AATF: variants seen among roughly 807,000 people sequenced by gnomAD.
AATF encodes protein AATF.
Under a neutral mutation model 63.7 loss-of-function variants are expected in AATF, and 48 were observed. The observed-to-expected ratio is 0.75, with a 90% CI of 0.60 to 0.96. The LOEUF (loss-of-function observed/expected upper bound fraction) is 0.96, where lower values mean the gene tolerates loss of function less well. AATF is among the 40% of genes least tolerant of loss of function. The probability of loss-of-function intolerance (pLI) is 0.00; values close to 1 mark genes in which losing one functional copy is unlikely to be tolerated. For missense variants in AATF, 639 were observed against 685.7 expected, an observed-to-expected ratio of 0.93 and a Z score of 0.76; for synonymous variants, 258 against 247.7, an observed-to-expected ratio of 1.04 and a Z score of -0.39.
intron 4 of AATF, among the ~76,000 whole-genome samples, chr17:36,968,705 TCA>T (rs2142221963): frequency 6.6e-6 from 1 of 152,206 alleles, no homozygotes; most frequent in South Asian, 2.1e-4. Flanking sequence ...CACTGCAGCC[TCA>T]GACTCCTGGG....
At chr17:36,972,546 T>C (rs762244731) in intron 4 of AATF, among the ~76,000 whole-genome samples, 2 of 152,194 alleles carry the variant, frequency 1.3e-5, no homozygotes, top group African/African-American at 2.4e-5. Context: ...ATAATTTATA[T>C]AGGATGAATT....
intron 11 of AATF, among the ~76,000 whole-genome samples, chr17:37,033,254 A>C (rs2071565418): frequency 1.3e-5 from 2 of 152,208 alleles, no homozygotes; most frequent in South Asian, 4.1e-4. Context: ...TTCTGGATCC[A>C]GTCTGTTTAA....
chr17:36,976,679 A>C (rs1285665567), intron 4 of AATF, among the ~76,000 whole-genome samples: 3 of 152,220 alleles, frequency 2.0e-5, no homozygotes. Flanking sequence ...CAAGGAGCTC[A>C]TAGTAAGGTG....
intron 4 of AATF, chr17:36,980,472 A>T (rs961234777): frequency 6.6e-6 from 1 of 152,254 alleles, no homozygotes; most frequent in Non-Finnish European, 1.5e-5. Flanking sequence ...GGAAGAAAGT[A>T]TATGAATCTT....
At chr17:36,982,545 G>A (rs1205235954) in intron 4 of AATF, among the ~76,000 whole-genome samples, 3 of 151,910 alleles carry the variant, frequency 2.0e-5, no homozygotes, top group Non-Finnish European at 2.9e-5. Context: ...AGTAGAGATG[G>A]GGTTTCATGG....
intron 8 of AATF, among the ~76,000 whole-genome samples, chr17:36,996,515 AAAC>A (rs2071256316): frequency 2.0e-5 from 3 of 152,230 alleles, no homozygotes; most frequent in Non-Finnish European, 4.4e-5. Context: ...ATGGTATTAA[AAAC>A]AACTCAAAGC....
chr17:36,973,527 A>G (rs2071056034), intron 4 of AATF, among the ~76,000 whole-genome samples: 1 of 152,216 alleles, frequency 6.6e-6, no homozygotes, highest in Admixed American at 6.5e-5. Flanking sequence ...AAGGCAGGAG[A>G]AATATGGAGA....
In AATF at chr17:37,031,334, T is replaced by G. The variant is rs923170015; in HGVS notation, c.1548-280T>G. ...AAGTATATGGGAGCATGTGTGTAGA[T>G]TACATGCAAATACTATGCCATTTTA... On this transcript the variant is annotated intron_variant, in intron 10 of 11. Coordinates refer to ENST00000619387, the MANE Select transcript of AATF (RefSeq NM_012138.4). 3.1e-5 allele frequency: 15 copies of G among 477,742 alleles called. No individual in the cohort carries two copies. In the Admixed American group the frequency reaches 4.6e-4, roughly 15 times the overall value. The allele number at this position is 477,742 out of a possible 1,614,324, so 29.6% of individuals were successfully genotyped here. A position where few individuals can be genotyped will look rare whatever the true frequency, so the allele number is the denominator to read the frequency against.
intron 8 of AATF, among the ~76,000 whole-genome samples, chr17:37,003,121 T>C (rs1005497967): frequency 5.9e-5 from 9 of 152,178 alleles, no homozygotes; most frequent in African/African-American, 1.2e-4. Flanking sequence ...TGGAATATAA[T>C]TGAGAGTCCG....
intron 4 of AATF, among the ~76,000 whole-genome samples, chr17:36,961,237 T>C (rs2070944646): frequency 2.0e-5 from 3 of 152,258 alleles, no homozygotes. Context: ...TGCTTAGGTT[T>C]ATTCTAGCTA....
intron 8 of AATF, among the ~76,000 whole-genome samples, chr17:36,991,538 A>G (rs1447561434): frequency 6.6e-6 from 1 of 151,946 alleles, no homozygotes; most frequent in Non-Finnish European, 1.5e-5. Context: ...GGGCTGTTCT[A>G]GAGAACTGAA....
chr17:37,012,791 A>C (rs925738524), intron 8 of AATF, among the ~76,000 whole-genome samples: 3 of 152,224 alleles, frequency 2.0e-5, no homozygotes, highest in Non-Finnish European at 2.9e-5. Flanking sequence ...TGGGATATCC[A>C]CATGTAAAAG....
At position 36,953,921 on chromosome 17, in the gene AATF, T is replaced by C. The variant is rs370845519; in HGVS notation, c.832+14T>C. 6.2e-7 allele frequency: 1 copy of C among 1,611,832 alleles called. No individual in the cohort carries two copies. Among genetic ancestry groups the C allele is most frequent in the East Asian group, 2.2e-5 (1 of 44,878 alleles). On this transcript the variant is annotated intron_variant, in intron 4 of 11. Transcript: ENST00000619387. ...CCCTGAAAAATAGTAAGAATACTTA[T>C]GTCCTGTTGGAATACTTAGAACCAC...
chr17:36,966,002 A>T (rs73283974), intron 4 of AATF, among the ~76,000 whole-genome samples: 1 of 152,102 alleles, frequency 6.6e-6, no homozygotes, highest in African/African-American at 2.4e-5. Flanking sequence ...CTAAACATTT[A>T]CCTTAGTAAG....
chr17:36,949,709 CCTGTT>C (rs1476084683), intron 1 of AATF, among the ~76,000 whole-genome samples: 32 of 152,228 alleles, frequency 2.1e-4, no homozygotes, highest in Non-Finnish European at 3.8e-4. Context: ...GACTGAGACT[CCTGTT>C]CTGTAAGCTG....
intron 5 of AATF, among the ~76,000 whole-genome samples, chr17:36,988,312 T>C (rs1471171622): frequency 6.6e-6 from 1 of 151,884 alleles, no homozygotes; most frequent in East Asian, 1.9e-4. Context: ...CAAGACTGTC[T>C]CAAAAAAAAA....
At chr17:37,022,151 TGA>T (rs1491279379) in intron 10 of AATF, among the ~76,000 whole-genome samples, 2,910 of 114,608 alleles carry the variant, frequency 0.025, 31 homozygotes, top group African/African-American at 0.031. Flanking sequence ...TGTGTGTGTG[TGA>T]GAAACACAGT....
intron 2 of AATF, 112 bp from the exon 3 acceptor site, chr17:36,952,774 G>T: frequency 6.8e-7 from 1 of 1,474,872 alleles, no homozygotes; most frequent in Non-Finnish European, 9.0e-7. Context: ...ATTGAGTGCA[G>T]TAAGAGATTT....
At chr17:37,042,737 CT>C (rs556843023) in intron 11 of AATF, among the ~76,000 whole-genome samples, 229 of 137,364 alleles carry the variant, frequency 1.7e-3, no homozygotes, top group Middle Eastern at 0.012. Context: ...TTTTTTCTTT[CT>C]TTTTTTTTTT....
Sources: gnomAD v4.1 joint callset for allele counts (sites outside exome capture counted in the v4.1 genomes callset) on GRCh38, gnomAD v4.1.1 for gene constraint, MANE v1.5 for transcripts, NCBI Gene and HGNC (gene_info 2026-07-23, HGNC 2026-07-21) for gene names.